Variants in DPP6 observed in about 807,000 individuals in gnomAD.
The protein encoded by DPP6 is A-type potassium channel modulatory protein DPP6.
Under a neutral mutation model 122.6 loss-of-function variants are expected in DPP6, and 69 were observed. The ratio of observed to expected loss-of-function variants is 0.56; its 90% CI spans 0.46 to 0.69. The LOEUF (loss-of-function observed/expected upper bound fraction) is 0.69. Among genes scored for constraint, DPP6 ranks in the 30% least tolerant of loss-of-function variants. The pLI, the probability that DPP6 is intolerant of heterozygous loss-of-function variation, is 0.00. For missense variants in DPP6, 928 were observed against 1,116.9 expected (o/e 0.83, Z 2.41); for synonymous variants, 418 against 433.1 (o/e 0.97, Z 0.43).
chr7:153,939,143 G>A (rs749550791), intron 1 of DPP6, among the ~76,000 whole-genome samples: 9 of 151,966 alleles, frequency 5.9e-5, no homozygotes, highest in Non-Finnish European at 1.0e-4. Flanking sequence ...TCAATGCCTC[G>A]AAGAAGGTGC....
chr7:154,888,652 TC>T (rs1311812114), intron 23 of DPP6, among the ~76,000 whole-genome samples: 4 of 152,218 alleles, frequency 2.6e-5, no homozygotes, highest in African/African-American at 9.6e-5. Flanking sequence ...AGGAAACTCT[TC>T]CTTTTTCCCT....
At position 154,794,119 on chromosome 7, in the gene DPP6, A is replaced by G; in HGVS notation, c.1177A>G (p.Lys393Glu). The change falls in exon 11 of 26, where the codon AAG becomes GAG. Residue 393 changes from lysine to glutamate, a missense_variant. Physicochemically the swap from Lys to Glu is moderately conservative, Grantham distance 56. Coordinates refer to ENST00000377770, the MANE Select transcript of DPP6 (RefSeq NM_130797.4). ...ITMVKWATST[K>E]VAVTWLNRAQ... ...CATGGTGAAGTGGGCCACCAGCACCAAGGTCGCCGTGACCTGGCTGAACCG... is the reference window on the plus strand; with the variant it reads ...CATGGTGAAGTGGGCCACCAGCACCGAGGTCGCCGTGACCTGGCTGAACCG... 1 of 1,613,702 alleles carries G rather than the reference A, an allele frequency of 6.2e-7. No homozygotes were observed. The highest frequency in any genetic ancestry group is 8.5e-7 in the Non-Finnish European group (1 of 1,179,734).
chr7:154,651,518 T>G (rs1055406971), intron 6 of DPP6, among the ~76,000 whole-genome samples: 2 of 152,140 alleles, frequency 1.3e-5, no homozygotes, highest in South Asian at 4.1e-4. Flanking sequence ...CTGTTAATGA[T>G]ACGAGCACCA....
intron 1 of DPP6, among the ~76,000 whole-genome samples, chr7:154,338,731 A>T (rs892089574): frequency 2.0e-5 from 3 of 152,180 alleles, no homozygotes. Context: ...CAGAACCCCC[A>T]TTGAATAGAG....
At position 154,608,065 on chromosome 7, in the gene DPP6, C is replaced by T. The variant is rs62477193; in HGVS notation, c.628-29756C>T. Among the ~76,000 whole-genome samples the T allele has an allele frequency of 7.0e-3, 388 of 55,434 alleles. 7 individuals are homozygous for T. The highest frequency in any genetic ancestry group is 0.035 in the East Asian group (24 of 686). 36.4% of individuals were successfully genotyped at this position (55,434 alleles called of 152,430 possible). A position where few individuals can be genotyped will look rare whatever the true frequency, so the allele number is the denominator to read the frequency against. On this transcript the variant is annotated intron_variant, in intron 5 of 25. Transcript: ENST00000377770. ...CACGATCTCAGCTCACTGCAAGCTC[C>T]GCCTCCCAGGTTCAAGCAATTCTCC...
chr7:154,450,264 A>C (rs187009545), intron 2 of DPP6, among the ~76,000 whole-genome samples: 1 of 152,282 alleles, frequency 6.6e-6, no homozygotes, highest in Non-Finnish European at 1.5e-5. Context: ...GGTAGGGAGA[A>C]AATGAAATGA....
intron 8 of DPP6, among the ~76,000 whole-genome samples, chr7:154,737,808 T>C (rs1183060760): frequency 6.6e-6 from 1 of 152,216 alleles, no homozygotes; most frequent in Non-Finnish European, 1.5e-5. Flanking sequence ...AAGGTGTGTC[T>C]CATGGCACAG....
the DPP6 span, among the ~76,000 whole-genome samples, chr7:153,796,681 G>C: frequency 1.3e-5 from 2 of 152,176 alleles, no homozygotes; most frequent in Non-Finnish European, 2.9e-5. Context: ...CTGGGGGTGG[G>C]TGGCCTAGAG....
intron 1 of DPP6, among the ~76,000 whole-genome samples, chr7:154,056,791 G>A (rs1256887829): frequency 6.6e-6 from 1 of 152,140 alleles, no homozygotes; most frequent in African/African-American, 2.4e-5. Context: ...TTCTGTTAAT[G>A]TGTCCTTGGG....
the DPP6 span, among the ~76,000 whole-genome samples, chr7:153,843,978 A>C: frequency 6.7e-6 from 1 of 149,816 alleles, no homozygotes. Context: ...CCATATGGAC[A>C]GGTGCCCCCC....
At chr7:153,847,343 A>G in the DPP6 span, among the ~76,000 whole-genome samples, 2 of 152,124 alleles carry the variant, frequency 1.3e-5, no homozygotes, top group Admixed American at 1.3e-4. Context: ...GACCATATTT[A>G]TAATAGTGGT....
At chr7:154,190,124 A>G (rs1380209812) in intron 1 of DPP6, among the ~76,000 whole-genome samples, 4 of 152,246 alleles carry the variant, frequency 2.6e-5, no homozygotes, top group African/African-American at 9.6e-5. Flanking sequence ...ATTGAAGGCA[A>G]GAGAGGCCTC....
chr7:154,023,318 G>GCGCACACACACACA (rs1554436898), intron 1 of DPP6, among the ~76,000 whole-genome samples: 1 of 129,528 alleles, frequency 7.7e-6, no homozygotes, highest in African/African-American at 3.2e-5. Flanking sequence ...TTTCTTGTCT[G>GCGCACACACACACA]CACACACACA....
chr7:153,968,511 C>G (rs1795865738), intron 1 of DPP6, among the ~76,000 whole-genome samples: 2 of 151,784 alleles, frequency 1.3e-5, no homozygotes, highest in African/African-American at 4.9e-5. Flanking sequence ...TTTAGCATAT[C>G]CAGAGAGCTA....
intron 8 of DPP6, among the ~76,000 whole-genome samples, chr7:154,743,245 G>A (rs565401824): frequency 1.5e-3 from 232 of 152,174 alleles, no homozygotes; most frequent in Middle Eastern, 3.4e-3. Context: ...TTTCAAGGTA[G>A]CATTTAACTG....
At chr7:154,616,428 C>A (rs558644372) in intron 5 of DPP6, among the ~76,000 whole-genome samples, 2 of 152,116 alleles carry the variant, frequency 1.3e-5, no homozygotes, top group Non-Finnish European at 2.9e-5. Flanking sequence ...TCTAACGCCC[C>A]CCTCCCCTCC....
chr7:154,667,432 A>G (rs1586848861), intron 6 of DPP6, among the ~76,000 whole-genome samples: 1 of 152,234 alleles, frequency 6.6e-6, no homozygotes. Flanking sequence ...GAAACATCAT[A>G]ACATACAAAT....
chr7:154,419,067 G>T (rs1282576508), intron 1 of DPP6, among the ~76,000 whole-genome samples: 1 of 152,222 alleles, frequency 6.6e-6, no homozygotes, highest in African/African-American at 2.4e-5. Flanking sequence ...TGCTGGAAAT[G>T]GAATACAAGA....
chr7:154,820,593 C>T (rs935613096), intron 16 of DPP6, among the ~76,000 whole-genome samples: 1 of 152,116 alleles, frequency 6.6e-6, no homozygotes, highest in African/African-American at 2.4e-5. Flanking sequence ...ATGAACAGAA[C>T]AACACCAGAA....
Sources: gnomAD v4.1 joint callset for allele counts (sites outside exome capture counted in the v4.1 genomes callset) on GRCh38, gnomAD v4.1.1 for gene constraint, MANE v1.5 for transcripts, NCBI Gene and HGNC (gene_info 2026-07-23, HGNC 2026-07-21) for gene names.